The following TRIB3 variants were observed in gnomAD, a reference collection of about 807,000 sequenced individuals.
The protein encoded by TRIB3 is tribbles pseudokinase 3, also known as tribbles homolog 3.
A neutral mutation model predicts 16.6 loss-of-function variants in TRIB3; 20 were observed. The observed-to-expected ratio is 1.20, with a 90% CI of 0.85 to 1.75. TRIB3 has a LOEUF of 1.75. Among genes scored for constraint, TRIB3 ranks in the 40% most tolerant of loss-of-function variants. TRIB3 has a pLI of 0.00. For missense variants in TRIB3, 484 were observed against 488.9 expected, an observed-to-expected ratio of 0.99 and a Z score of 0.10; for synonymous variants, 208 against 217.0, an observed-to-expected ratio of 0.96 and a Z score of 0.36.
intron 1 of TRIB3, among the ~76,000 whole-genome samples, chr20:387,561 A>T (rs1454347588): frequency 2.0e-5 from 3 of 151,464 alleles, no homozygotes; most frequent in Middle Eastern, 3.4e-3. Flanking sequence ...GGGGAAAAAA[A>T]AAAAAAAACC....
intron 1 of TRIB3, 95 bp downstream of exon 1, chr20:381,264 G>C (rs1255821474): frequency 6.6e-6 from 1 of 152,224 alleles, no homozygotes; most frequent in African/African-American, 2.4e-5. Flanking sequence ...CTGGGCGTCT[G>C]CGTGTTGCCG....
chr20:394,767 C>G (rs1444590665), intron 3 of TRIB3, among the ~76,000 whole-genome samples: 1 of 149,524 alleles, frequency 6.7e-6, no homozygotes, highest in Non-Finnish European at 1.5e-5. Context: ...GCCTGGGTGG[C>G]AGAGTGAGAC....
chr20:391,440 C>T lies in TRIB3; in HGVS notation c.445C>T (p.Arg149Ter), dbSNP rs752911865. 2.0e-5 allele frequency: 33 copies of T among 1,613,748 alleles called. No individual in the cohort carries two copies. The highest frequency in any genetic ancestry group is 2.7e-5 in the Non-Finnish European group (32 of 1,180,008). The change falls in exon 3 of 4, where the codon CGA becomes TGA. Residue 149 changes from arginine to a stop codon, truncating the protein, a stop_gained. Transcript: ENST00000217233. LOFTEE classifies it high-confidence loss of function. ...RTHGDMHSLV[R>*]SRHRIPEPEA... is the part of the protein sequence containing the mutation. ...CCATGGGGACATGCACAGCCTGGTG[C>T]GAAGCCGCCACCGTATCCCTGAGCC...
intron 1 of TRIB3, 125 bp downstream of exon 1, chr20:381,294 C>A: frequency 6.6e-6 from 1 of 152,264 alleles, no homozygotes. Flanking sequence ...CGCACGCACG[C>A]CCCTTACACA....
At chr20:395,522 A>G (rs1171744542) in intron 3 of TRIB3, among the ~76,000 whole-genome samples, 3 of 151,978 alleles carry the variant, frequency 2.0e-5, no homozygotes, top group Non-Finnish European at 4.4e-5. Context: ...CTGGTTGCCA[A>G]TATTTTTTAA....
At chr20:385,876 T>C (rs573593707) in intron 1 of TRIB3, 1 of 144,876 alleles carries the variant, frequency 6.9e-6, no homozygotes, top group East Asian at 2.1e-4. Flanking sequence ...TTTTTTTTTT[T>C]TGAGAGAGTC....
Position 388,434 on chromosome 20 carries a change from G to T in TRIB3, c.291+133G>T, listed in dbSNP as rs150373070. ...GTTTGTTTAGTGGGGAAGCATCCAG[G>T]GAGCCCCTGCTGGACTGATACTAGA... On this transcript the variant is annotated intron_variant, in intron 2 of 3. Transcript: ENST00000217233. 565 of 1,213,736 alleles carry T rather than the reference G, an allele frequency of 4.7e-4. 1 individual carries two copies. In the African/African-American group the frequency reaches 7.3e-3, roughly 16 times the overall value. The allele number at this position is 1,213,736 out of a possible 1,614,324, so 75.2% of individuals were successfully genotyped here.
chr20:389,078 G>A (rs1038440625), intron 2 of TRIB3, among the ~76,000 whole-genome samples: 4 of 152,220 alleles, frequency 2.6e-5, no homozygotes, highest in Non-Finnish European at 4.4e-5. Context: ...CAAGAAGACA[G>A]AGATGAGAAT....
At position 396,193 on chromosome 20, in the gene TRIB3, C is replaced by T. The variant is rs769798205; in HGVS notation, c.585-5C>T. On this transcript the variant is annotated splice_region_variant and splice_polypyrimidine_tract_variant and intron_variant, in intron 3 of 3. Coordinates refer to ENST00000217233, the MANE Select transcript of TRIB3 (RefSeq NM_021158.5). The stretch of plus-strand genomic sequence containing the variant: ...CTGACCCTTCTGTTTCTCCCCATGT[C>T]CCAGGAAGAAGCTGGTGCTGGAGAA... The T allele has an allele frequency of 3.3e-5, 53 of 1,604,590 alleles. 1 individual carries two copies. Among genetic ancestry groups the T allele is most frequent in the Non-Finnish European group, 3.8e-5 (45 of 1,173,150 alleles).
chr20:389,145 G>A (rs540979843), intron 2 of TRIB3, among the ~76,000 whole-genome samples: 1 of 152,298 alleles, frequency 6.6e-6, no homozygotes, highest in South Asian at 2.1e-4. Flanking sequence ...ATTGCTTAGT[G>A]TGCACAATCT....
chr20:387,985 T>G, intron 1 of TRIB3, 26 bp from the exon 2 acceptor site: 1 of 1,602,008 alleles, frequency 6.2e-7, no homozygotes, highest in Non-Finnish European at 8.5e-7. Flanking sequence ...AGTCTCACTT[T>G]AGTGCTTTTC....
intron 1 of TRIB3, among the ~76,000 whole-genome samples, chr20:386,485 T>C (rs953984994): frequency 3.3e-5 from 5 of 152,148 alleles, no homozygotes; most frequent in African/African-American, 1.2e-4. Flanking sequence ...CTCGGCTCAT[T>C]ACAACCTCTG....
At chr20:388,557 G>A (rs16988431) in intron 2 of TRIB3, among the ~76,000 whole-genome samples, 35,269 of 151,992 alleles carry the variant, frequency 0.23, 4,534 homozygotes, top group African/African-American at 0.32. Flanking sequence ...GATCATGGGC[G>A]CAGAAAAGGC....
In TRIB3 at chr20:396,567, C is replaced by T; in HGVS notation, c.954C>T (p.Asp318=). 1 of 1,613,152 alleles carries T rather than the reference C, an allele frequency of 6.2e-7. No individual in the cohort carries two copies. Among genetic ancestry groups the T allele is most frequent in the Non-Finnish European group, 8.5e-7 (1 of 1,180,032 alleles). Residue 318 remains aspartate, a synonymous_variant, in exon 4 of 4, where the codon GAC becomes GAT. Coordinates refer to ENST00000217233, the MANE Select transcript of TRIB3 (RefSeq NM_021158.5). ...GILLHPWLRQ[D]PMPLAPTRSH... is the part of the protein sequence containing the mutation. ...TCCTGCACCCCTGGCTGCGACAGGA[C>T]CCGATGCCCTTAGCCCCAACCCGAT...
Position 388,160 on chromosome 20 carries a change from G to T in TRIB3, c.150G>T (p.Leu50=). The change falls in exon 2 of 4, where the codon CTG becomes CTT. Residue 50 remains leucine, a synonymous_variant. Transcript: ENST00000217233. ...QPRLPPCLLP[L]SPPTAPDRAT... ...GACTGCCCCCCTGCCTGTTGCCCCT[G>T]AGCCCACCTACTGCTCCAGATCGTG... 1 of 1,614,040 alleles carries T rather than the reference G, an allele frequency of 6.2e-7. No homozygotes were observed. Among genetic ancestry groups the T allele is most frequent in the South Asian group, 1.1e-5 (1 of 91,080 alleles).
chr20:396,048 TA>T, intron 3 of TRIB3, 149 bp from the exon 4 acceptor site: 1 of 1,216,964 alleles, frequency 8.2e-7, no homozygotes, highest in Non-Finnish European at 1.1e-6. Context: ...TGGGTATCTG[TA>T]AAACAGGATC....
Position 396,366 on chromosome 20 carries a change from C to T in TRIB3, c.753C>T (p.Leu251=), listed in dbSNP as rs1265092762. The T allele has an allele frequency of 3.1e-6, 5 of 1,613,494 alleles. No individual in the cohort carries two copies. In the African/African-American group the frequency reaches 5.3e-5, roughly 17 times the overall value. The change falls in exon 4 of 4, where the codon CTC becomes CTT. Residue 251 remains leucine (L), a synonymous_variant. Transcript: ENST00000217233. ...ATGTCTGGAGCCTGGGCGTGGCGCT[C>T]TTCACCATGCTGGCCGGCCACTACC... ...AADVWSLGVA[L]FTMLAGHYPF...
chr20:385,901 A>C (rs1457227398), intron 1 of TRIB3, among the ~76,000 whole-genome samples: 5 of 146,276 alleles, frequency 3.4e-5, no homozygotes, highest in African/African-American at 1.0e-4. Flanking sequence ...CTCTGTCACC[A>C]GGCTGGAGTG....
intron 1 of TRIB3, among the ~76,000 whole-genome samples, chr20:381,930 C>A (rs1428926965): frequency 1.3e-5 from 2 of 152,206 alleles, no homozygotes; most frequent in Non-Finnish European, 2.9e-5. Flanking sequence ...CCCTCTGCCT[C>A]ACCCCCCTCC....
Sources: gnomAD v4.1 joint callset for allele counts (sites outside exome capture counted in the v4.1 genomes callset) on GRCh38, gnomAD v4.1.1 for gene constraint, MANE v1.5 for transcripts, NCBI Gene and HGNC (gene_info 2026-07-23, HGNC 2026-07-21) for gene names.